Variants in CD8B2 observed in about 807,000 individuals in gnomAD.
CD8B2 encodes the protein T-cell surface glycoprotein CD8 beta-2 chain.
Under a neutral mutation model 23.7 loss-of-function variants are expected in CD8B2, and 11 were observed. The observed-to-expected ratio is 0.46, with a 90% CI of 0.29 to 0.77. The LOEUF is 0.77. CD8B2 is among the 30% of genes least tolerant of loss of function. CD8B2 has a pLI of 0.09. For missense variants in CD8B2, 197 were observed against 270.5 expected, an observed-to-expected ratio of 0.73 and a Z score of 1.91; for synonymous variants, 90 against 109.3, an observed-to-expected ratio of 0.82 and a Z score of 1.10.
chr2:106,507,487 C>T lies in CD8B2; in HGVS notation c.*547C>T. 1.0e-6 allele frequency: 1 copy of T among 985,424 alleles called. No individual in the cohort carries two copies. Among genetic ancestry groups the T allele is most frequent in the Non-Finnish European group, 1.2e-6 (1 of 829,896 alleles). 61.0% of individuals were successfully genotyped at this position (985,424 alleles called of 1,614,324 possible). A position where few individuals can be genotyped will look rare whatever the true frequency, so the allele number is the denominator to read the frequency against. On this transcript the variant is annotated 3_prime_UTR_variant, in exon 6 of 6. Coordinates refer to ENST00000643224, the MANE Select transcript of CD8B2 (RefSeq NM_001349727.2). ...CAGTCTCTGAGGGCTTCCTTTGGGGCCGGGAACTTGCGGGTTTGAGGATAG... is the reference window on the plus strand; with the variant it reads ...CAGTCTCTGAGGGCTTCCTTTGGGGTCGGGAACTTGCGGGTTTGAGGATAG...
intron 5 of CD8B2, among the ~76,000 whole-genome samples, chr2:106,543,699 C>T (rs1013004149): frequency 6.6e-6 from 1 of 152,004 alleles, no homozygotes; most frequent in East Asian, 1.9e-4. Flanking sequence ...TAAAAAGAAA[C>T]AAAATATCCA....
intron 1 of CD8B2, among the ~76,000 whole-genome samples, chr2:106,488,402 C>T (rs367593039): frequency 9.2e-5 from 14 of 151,838 alleles, no homozygotes; most frequent in East Asian, 5.8e-4. Flanking sequence ...GGCCACAGCC[C>T]GGAGTATTCA....
chr2:106,523,005 G>C (rs1047865981), intron 5 of CD8B2, among the ~76,000 whole-genome samples: 2 of 152,116 alleles, frequency 1.3e-5, no homozygotes, highest in African/African-American at 4.8e-5. Flanking sequence ...TGATTTTAAA[G>C]GGCCTAAATT....
chr2:106,522,176 G>A (rs1394172578), intron 5 of CD8B2: 2 of 152,118 alleles, frequency 1.3e-5, no homozygotes, highest in African/African-American at 2.4e-5. Context: ...GCCCTCAGAA[G>A]CTCTCAAAAG....
chr2:106,517,121 T>G (rs761468253), intron 5 of CD8B2, among the ~76,000 whole-genome samples: 8 of 151,768 alleles, frequency 5.3e-5, no homozygotes, highest in Non-Finnish European at 1.2e-4. Context: ...AATTTTATTA[T>G]TATTTAATTT....
chr2:106,501,792 GCAAAGATGTCAGGGAA>G (rs1679412955), intron 3 of CD8B2, among the ~76,000 whole-genome samples: 1 of 152,146 alleles, frequency 6.6e-6, no homozygotes, highest in Non-Finnish European at 1.5e-5. Flanking sequence ...CTGTGAAGGA[GCAAAGATGTCAGGGAA>G]CACTCTAATC....
Position 106,493,837 on chromosome 2 carries a change from GCT to G in CD8B2, c.404-2331_404-2330del, listed in dbSNP as rs1679243800. Among the ~76,000 whole-genome samples, 3 of 152,186 alleles carry G rather than the reference GCT, an allele frequency of 2.0e-5. No homozygotes were observed. In the South Asian group the frequency reaches 6.2e-4, roughly 32 times the overall value. On this transcript the variant is annotated intron_variant, in intron 2 of 5. Transcript: ENST00000643224. ...GTCTAACTTTGGGCACATTGTTTCA[GCT>G]CTCTGAGCCTAGGCTTCCTCCTGGA... is the stretch of plus-strand genomic sequence containing the variant.
rs990051982 is a variant in CD8B2, at chr2:106,509,435, A to G, written c.*2495A>G. 6.6e-6 allele frequency: 1 copy of G among 152,234 alleles called. No homozygotes were observed. The highest frequency in any genetic ancestry group is 2.4e-5 in the African/African-American group (1 of 41,440). The allele number at this position is 152,234 out of a possible 1,614,324, so 9.4% of individuals were successfully genotyped here. ...CGTGGTCTGCCCTCCTTGAAGGCTC[A>G]CACCCAGTGCACAGCGGAAGTAAGA... On this transcript the variant is annotated 3_prime_UTR_variant, in exon 6 of 6. Transcript: ENST00000643224.
intron 1 of CD8B2, among the ~76,000 whole-genome samples, chr2:106,490,022 C>G (rs1025028758): frequency 6.6e-6 from 1 of 151,992 alleles, no homozygotes; most frequent in African/African-American, 2.4e-5. Flanking sequence ...TGGTGTCTGT[C>G]CTTCCACTGG....
At chr2:106,514,534 G>T (rs1391137031), downstream of CD8B2, among the ~76,000 whole-genome samples, 2 of 151,712 alleles carry the variant, frequency 1.3e-5, no homozygotes, top group Non-Finnish European at 2.9e-5. Flanking sequence ...TGGTCCTCCT[G>T]CCTCGGCCTC....
chr2:106,492,624 C>T (rs1485092895), intron 2 of CD8B2, among the ~76,000 whole-genome samples: 2 of 152,148 alleles, frequency 1.3e-5, no homozygotes, highest in Non-Finnish European at 2.9e-5. Flanking sequence ...CAGCTTGGCC[C>T]AAGGCTGGAG....
intron 5 of CD8B2, among the ~76,000 whole-genome samples, chr2:106,541,230 C>T (rs754868149): frequency 2.1e-4 from 32 of 152,222 alleles, no homozygotes; most frequent in Non-Finnish European, 1.6e-4. Context: ...GATCCCTCTC[C>T]GTCATTCATG....
chr2:106,538,088 CCAGA>C (rs1480904886), intron 5 of CD8B2: 6 of 152,116 alleles, frequency 3.9e-5, no homozygotes, highest in African/African-American at 7.2e-5. Flanking sequence ...CTGGGTGTGC[CCAGA>C]CAAAGCTGCT....
intron 5 of CD8B2, among the ~76,000 whole-genome samples, chr2:106,537,122 G>A (rs946099880): frequency 2.9e-4 from 44 of 152,190 alleles, no homozygotes; most frequent in African/African-American, 1.1e-3. Flanking sequence ...CGATGTGGGA[G>A]AGGAAGACAG....
intron 5 of CD8B2, among the ~76,000 whole-genome samples, chr2:106,521,023 G>GGAGAGAGAGAGA (rs70953586): frequency 7.7e-6 from 1 of 130,416 alleles, no homozygotes; most frequent in African/African-American, 2.9e-5. Flanking sequence ...ATGTTTTAAG[G>GGAGAGAGAGAGA]GAGAGAGAGA....
At chr2:106,532,950 A>G (rs1314595937) in intron 5 of CD8B2, among the ~76,000 whole-genome samples, 1 of 152,144 alleles carries the variant, frequency 6.6e-6, no homozygotes, top group African/African-American at 2.4e-5. Context: ...CCTATTCAAG[A>G]TGGAGTTGTT....
downstream of CD8B2, among the ~76,000 whole-genome samples, chr2:106,515,568 G>T (rs1039499656): frequency 1.3e-5 from 2 of 152,128 alleles, no homozygotes; most frequent in Non-Finnish European, 2.9e-5. Context: ...AGTAGAAAGT[G>T]GCCCCATTAG....
chr2:106,491,285 G>A lies in CD8B2; in HGVS notation c.403+52G>A, dbSNP rs1159154880. On this transcript the variant is annotated intron_variant, in intron 2 of 5. Coordinates refer to ENST00000643224, the MANE Select transcript of CD8B2 (RefSeq NM_001349727.2). ...TGAGCACCGACTGTGTGCCAGGCAC[G>A]TGCCAGGCACTGGGACCACCAGGCT... is the stretch of plus-strand genomic sequence containing the variant. 13 of 1,403,858 alleles carry A rather than the reference G, an allele frequency of 9.3e-6. 1 individual carries two copies. The highest frequency in any genetic ancestry group is 4.2e-5 in the African/African-American group (3 of 71,336). The allele number at this position is 1,403,858 out of a possible 1,614,324, so 87.0% of individuals were successfully genotyped here.
chr2:106,524,203 T>C (rs1486158343), intron 5 of CD8B2, among the ~76,000 whole-genome samples: 2 of 152,166 alleles, frequency 1.3e-5, no homozygotes, highest in Non-Finnish European at 2.9e-5. Flanking sequence ...GGGCTGGTTA[T>C]TGTAGATAAG....
Sources: allele counts gnomAD v4.1 joint callset (sites outside exome capture counted in the v4.1 genomes callset), GRCh38; gene constraint gnomAD v4.1.1; transcripts MANE v1.5; gene names NCBI Gene and HGNC (gene_info 2026-07-23, HGNC 2026-07-21).